ALK: variants seen among roughly 807,000 people sequenced by gnomAD.
ALK encodes ALK receptor tyrosine kinase.
ALK carries 74 observed loss-of-function variants against 163.1 expected under a neutral mutation model. That is an observed-to-expected ratio of 0.45 (90% CI 0.38 to 0.55). ALK has a LOEUF of 0.55. ALK is among the 20% of genes least tolerant of loss of function. ALK has a pLI of 0.00. For synonymous variants in ALK, 960 were observed against 843.2 expected (o/e 1.14, Z -2.40); for missense variants, 2,063 against 2,105.3 (o/e 0.98, Z 0.39).
intron 3 of ALK, among the ~76,000 whole-genome samples, chr2:29,562,576 C>T (rs4527169): frequency 0.12 from 17,929 of 152,146 alleles, 1,392 homozygotes; most frequent in Non-Finnish European, 0.18. Context: ...TAGTAATGAA[C>T]CACCACACTG....
At chr2:29,585,766 G>A (rs914237032) in intron 3 of ALK, among the ~76,000 whole-genome samples, 3 of 151,876 alleles carry the variant, frequency 2.0e-5, no homozygotes, top group East Asian at 3.9e-4. Flanking sequence ...GGGGCTTTTA[G>A]CATCTTCTCA....
intron 3 of ALK, among the ~76,000 whole-genome samples, chr2:29,679,643 A>G (rs1378916455): frequency 6.6e-6 from 1 of 151,936 alleles, no homozygotes; most frequent in East Asian, 1.9e-4. Flanking sequence ...TGTCCTATAT[A>G]CATCTATATA....
chr2:29,418,745 T>C (rs1368377983), intron 4 of ALK, among the ~76,000 whole-genome samples: 1 of 152,238 alleles, frequency 6.6e-6, no homozygotes, highest in Non-Finnish European at 1.5e-5. Flanking sequence ...GGCTGAATAG[T>C]AGATATTTTA....
chr2:29,210,026 G>A (rs982555694), intron 24 of ALK, 148 bp from the exon 25 acceptor site: 2 of 689,910 alleles, frequency 2.9e-6, no homozygotes, highest in Admixed American at 2.1e-5. Flanking sequence ...TTCAGTGTGA[G>A]AGAAACAGCC....
chr2:29,702,032 A>G, intron 2 of ALK, among the ~76,000 whole-genome samples: 1 of 152,054 alleles, frequency 6.6e-6, no homozygotes, highest in Non-Finnish European at 1.5e-5. Flanking sequence ...GGCAGGAAAC[A>G]GTGTACGAGC....
intron 4 of ALK, among the ~76,000 whole-genome samples, chr2:29,395,182 C>T (rs542900352): frequency 2.0e-5 from 3 of 152,346 alleles, no homozygotes; most frequent in East Asian, 3.9e-4. Context: ...AATGCGAATG[C>T]AAGCCTCTGA....
At chr2:29,520,286 T>A (rs1053744898) in intron 4 of ALK, among the ~76,000 whole-genome samples, 1 of 152,168 alleles carries the variant, frequency 6.6e-6, no homozygotes, top group Admixed American at 6.5e-5. Flanking sequence ...AGAACAGAGA[T>A]GGAATTTTGG....
At position 29,499,993 on chromosome 2, in the gene ALK, T is replaced by C. The variant is rs542921707; in HGVS notation, c.1154+31922A>G. Among the ~76,000 whole-genome samples, 15 of 151,814 alleles carry C rather than the reference T, an allele frequency of 9.9e-5. No individual in the cohort carries two copies. In the South Asian group the frequency reaches 2.8e-3, roughly 28 times the overall value. The stretch of plus-strand genomic sequence containing the variant: ...CACTGGGGACATTGTGACACCCCCA[T>C]ACACTTGGGTCTCGCTGTTCCTTAA... On this transcript the variant is annotated intron_variant, in intron 4 of 28. Coordinates refer to ENST00000389048, the MANE Select transcript of ALK (RefSeq NM_004304.5).
intron 2 of ALK, among the ~76,000 whole-genome samples, chr2:29,715,765 A>T (rs759486050): frequency 2.6e-5 from 4 of 152,244 alleles, no homozygotes; most frequent in Non-Finnish European, 5.9e-5. Context: ...AACAATGAAA[A>T]GATCCAGATT....
At chr2:29,193,973 G>A (rs747659635) in intron 28 of ALK, 51 bp from the exon 29 acceptor site, 5 of 1,530,660 alleles carry the variant, frequency 3.3e-6, no homozygotes, top group Non-Finnish European at 4.5e-6. Context: ...AAAAATGTTG[G>A]ATCTAGAAGA....
intron 5 of ALK, among the ~76,000 whole-genome samples, chr2:29,345,710 G>A (rs2148274877): frequency 6.6e-6 from 1 of 152,078 alleles, no homozygotes; most frequent in South Asian, 2.1e-4. Flanking sequence ...CAAAAACAAA[G>A]AAACAACATC....
chr2:29,874,244 C>G (rs1275416450), intron 1 of ALK, among the ~76,000 whole-genome samples: 4 of 151,814 alleles, frequency 2.6e-5, no homozygotes, highest in African/African-American at 9.7e-5. Context: ...GTCCCCACCC[C>G]ACCCCCGCCA....
intron 1 of ALK, among the ~76,000 whole-genome samples, chr2:29,887,125 C>T (rs1471300029): frequency 6.6e-6 from 1 of 152,178 alleles, no homozygotes; most frequent in African/African-American, 2.4e-5. Context: ...AAGCAACAAC[C>T]ATTGTATTAT....
At chr2:29,218,938 C>T (rs892426637) in intron 23 of ALK, among the ~76,000 whole-genome samples, 3 of 152,312 alleles carry the variant, frequency 2.0e-5, no homozygotes, top group South Asian at 2.1e-4. Context: ...GACACAACCT[C>T]ATCTTGATAG....
At chr2:29,776,810 A>T (rs1681188748) in intron 1 of ALK, among the ~76,000 whole-genome samples, 1 of 152,186 alleles carries the variant, frequency 6.6e-6, no homozygotes, top group Admixed American at 6.5e-5. Context: ...AAAACAAAAG[A>T]AAGAAAAAAG....
chr2:29,856,255 C>A (rs1666135420), intron 1 of ALK, among the ~76,000 whole-genome samples: 1 of 152,186 alleles, frequency 6.6e-6, no homozygotes, highest in Non-Finnish European at 1.5e-5. Context: ...GCTCTCTCAT[C>A]TGTAAAGTGA....
At chr2:29,443,358 C>T (rs923345176) in intron 4 of ALK, among the ~76,000 whole-genome samples, 12 of 152,212 alleles carry the variant, frequency 7.9e-5, no homozygotes, top group African/African-American at 2.4e-4. Flanking sequence ...AGAAAATTAG[C>T]TTAAAAGCAG....
intron 1 of ALK, among the ~76,000 whole-genome samples, chr2:29,830,411 G>A (rs1439737557): frequency 6.6e-6 from 1 of 152,082 alleles, no homozygotes; most frequent in African/African-American, 2.4e-5. Flanking sequence ...CTAGAATGTA[G>A]GAAGACCCTA....
At chr2:29,348,041 T>C (rs1003165493) in intron 5 of ALK, among the ~76,000 whole-genome samples, 1 of 152,216 alleles carries the variant, frequency 6.6e-6, no homozygotes, top group Non-Finnish European at 1.5e-5. Flanking sequence ...TGTGTCTTAT[T>C]AAAACCTTTC....
Sources: gnomAD v4.1 joint callset for allele counts (sites outside exome capture counted in the v4.1 genomes callset) on GRCh38, gnomAD v4.1.1 for gene constraint, MANE v1.5 for transcripts, NCBI Gene and HGNC (gene_info 2026-07-23, HGNC 2026-07-21) for gene names.